SLC16A3: variants seen among roughly 807,000 people sequenced by gnomAD.
SLC16A3 encodes the protein monocarboxylate transporter 4.
SLC16A3 carries 22 observed loss-of-function variants against 25.0 expected under a neutral mutation model. That is an observed-to-expected ratio of 0.88 (90% confidence interval 0.63 to 1.26). SLC16A3 has a LOEUF of 1.26. SLC16A3 is among the 50% of genes most tolerant of loss of function. The pLI, the probability that SLC16A3 is intolerant of heterozygous loss-of-function variation, is 0.00. For missense variants in SLC16A3, 731 were observed against 666.6 expected, an observed-to-expected ratio of 1.10 and a Z score of -1.06; for synonymous variants, 390 against 309.2, an observed-to-expected ratio of 1.26 and a Z score of -2.74.
chr17:82,238,686 CG>C lies in SLC16A3; in HGVS notation c.1124-12del, dbSNP rs748023771. The stretch of plus-strand genomic sequence containing the variant: ...AGCCCGCATGAGCGGCTGGGACTGA[CG>C]GGGTCTTCCCGCAGGCAAACTCCTG... On this transcript the variant is annotated splice_polypyrimidine_tract_variant and intron_variant, in intron 4 of 4. Transcript: ENST00000582743. 1.6e-5 allele frequency: 26 copies of C among 1,600,112 alleles called. No homozygotes were observed. The highest frequency in any genetic ancestry group is 2.2e-5 in the Non-Finnish European group (26 of 1,173,322).
chr17:82,225,132 G>A (rs1876039806), upstream of SLC16A3, among the ~76,000 whole-genome samples: 1 of 152,180 alleles, frequency 6.6e-6, no homozygotes, highest in Non-Finnish European at 1.5e-5. Context: ...CGTAGTGGCA[G>A]GTGCCGGTAA....
upstream of SLC16A3, among the ~76,000 whole-genome samples, chr17:82,226,216 T>G: frequency 6.6e-6 from 1 of 151,338 alleles, no homozygotes; most frequent in East Asian, 2.0e-4. Flanking sequence ...GGGGGAGAAG[T>G]CAAGACTGGG....
intron 1 of SLC16A3, chr17:82,234,121 T>G (rs1342344600): frequency 1.3e-5 from 2 of 152,254 alleles, no homozygotes; most frequent in Non-Finnish European, 2.9e-5. Flanking sequence ...ATTACAGGCG[T>G]GAGCCACCGC....
In SLC16A3 at chr17:82,237,293, G is replaced by T; in HGVS notation, c.523G>T (p.Gly175Cys). 1 of 1,557,614 alleles carries T rather than the reference G, an allele frequency of 6.4e-7. No individual in the cohort carries two copies. Among genetic ancestry groups the T allele is most frequent in the Non-Finnish European group, 8.7e-7 (1 of 1,151,056 alleles). The change falls in exon 4 of 5, where the codon GGC becomes TGC. Residue 175 changes from glycine (G) to cysteine (C), a missense_variant. Gly to Cys is a radical substitution (Grantham distance 159). Transcript: ENST00000582743. ...PLGQLLQDRYGWRGGFLILGG... is the reference protein window; with the variant it reads ...PLGQLLQDRYCWRGGFLILGG... The stretch of plus-strand genomic sequence containing the variant: ...GGGGCAGCTGCTGCAGGACCGCTAC[G>T]GCTGGCGGGGCGGCTTCCTCATCCT...
chr17:82,227,884 TAGAA>T (rs1262786072), upstream of SLC16A3, among the ~76,000 whole-genome samples: 2 of 152,154 alleles, frequency 1.3e-5, no homozygotes, highest in East Asian at 1.9e-4. Context: ...TAACATTACA[TAGAA>T]AGAACAGGCG....
chr17:82,229,622 C>CT (rs1386421380), intron 1 of SLC16A3: 1 of 152,342 alleles, frequency 6.6e-6, no homozygotes, highest in Non-Finnish European at 1.5e-5. Context: ...TGGGCAATGA[C>CT]TAACAGCCCG....
Position 82,239,057 on chromosome 17 carries a change from G to T in SLC16A3, c.*81G>T. On this transcript the variant is annotated 3_prime_UTR_variant, in exon 5 of 5. Transcript: ENST00000582743. ...GCTATTTATTTTACAAACTGGACTG[G>T]CTCAGGCAGGGCCACGGCTGGGCTC... 1 of 1,381,412 alleles carries T rather than the reference G, an allele frequency of 7.2e-7. No individual in the cohort carries two copies. The highest frequency in any genetic ancestry group is 1.4e-5 in the African/African-American group (1 of 69,080). 85.6% of individuals were successfully genotyped at this position (1,381,412 alleles called of 1,614,324 possible). A position where few individuals can be genotyped will look rare whatever the true frequency, so the allele number is the denominator to read the frequency against.
Position 82,239,642 on chromosome 17 carries a change from C to T in SLC16A3, c.*666C>T, listed in dbSNP as rs1446679446. ...GGCAGGCGCTGCATGGAGGGGGCTG[C>T]GGGGCAGGTGCCTGGAGGCCGCTGT... On this transcript the variant is annotated 3_prime_UTR_variant, in exon 5 of 5. Coordinates refer to ENST00000582743, the MANE Select transcript of SLC16A3 (RefSeq NM_004207.4). 8 of 279,056 alleles carry T rather than the reference C, an allele frequency of 2.9e-5. No individual in the cohort carries two copies. The highest frequency in any genetic ancestry group is 3.3e-4 in the South Asian group (2 of 6,050). The allele number at this position is 279,056 out of a possible 1,614,324, so 17.3% of individuals were successfully genotyped here.
upstream of SLC16A3, chr17:82,228,281 C>A (rs2050440203): frequency 6.6e-6 from 1 of 152,324 alleles, no homozygotes; most frequent in Non-Finnish European, 1.5e-5. Flanking sequence ...GGGTGGGCAG[C>A]CCTCGCCTCC....
chr17:82,222,077 G>A (rs2050392146), intron 1 of SLC16A3, among the ~76,000 whole-genome samples: 1 of 150,756 alleles, frequency 6.6e-6, no homozygotes, highest in African/African-American at 2.4e-5. Flanking sequence ...CCTCGCCCTG[G>A]GACCCCCAAC....
chr17:82,232,260 C>A (rs987606416), intron 1 of SLC16A3: 2 of 152,338 alleles, frequency 1.3e-5, no homozygotes, highest in Non-Finnish European at 2.9e-5. Context: ...CCACGGGCCC[C>A]GGGCTCAGGC....
chr17:82,233,088 G>A (rs1022919243), intron 1 of SLC16A3, among the ~76,000 whole-genome samples: 7 of 152,180 alleles, frequency 4.6e-5, no homozygotes, highest in Non-Finnish European at 1.0e-4. Flanking sequence ...GGTTATCCTG[G>A]AAGATGGGGA....
In SLC16A3 at chr17:82,221,970, T is replaced by C. The variant is rs112735241; in HGVS notation, c.-27+3786T>C. On this transcript the variant is annotated intron_variant, in intron 1 of 4. Transcript: ENST00000580098. ...TTGAACACCCTGCTGAGAATGGAGATGGCCAAAGCCTCCGTGGAAAGCAGT... is the reference window on the plus strand; with the variant it reads ...TTGAACACCCTGCTGAGAATGGAGACGGCCAAAGCCTCCGTGGAAAGCAGT... 4.7e-3 allele frequency among the ~76,000 whole-genome samples: 708 copies of C among 151,110 alleles called. 16 individuals are homozygous for C. The highest frequency in any genetic ancestry group is 0.016 in the African/African-American group (663 of 40,522).
chr17:82,224,768 C>T (rs2050411765), upstream of SLC16A3, among the ~76,000 whole-genome samples: 1 of 151,576 alleles, frequency 6.6e-6, no homozygotes, highest in East Asian at 2.0e-4. Flanking sequence ...AGACGCACCC[C>T]AACACCTGTG....
At chr17:82,236,681 G>T in intron 2 of SLC16A3, 48 bp from the exon 3 acceptor site, 3 of 1,582,352 alleles carry the variant, frequency 1.9e-6, no homozygotes, top group South Asian at 1.1e-5. Context: ...GCTGGCGGGG[G>T]TAGAGCTGGC....
intron 1 of SLC16A3, among the ~76,000 whole-genome samples, chr17:82,221,163 A>G (rs984898933): frequency 6.6e-6 from 1 of 152,234 alleles, no homozygotes; most frequent in African/African-American, 2.4e-5. Context: ...CATAAGAAAC[A>G]AAGATACAAT....
intron 1 of SLC16A3, among the ~76,000 whole-genome samples, chr17:82,222,192 C>T (rs536154730): frequency 3.3e-5 from 3 of 91,428 alleles, no homozygotes; most frequent in African/African-American, 1.7e-4. Flanking sequence ...TCCGCTCCCA[C>T]GTTCGTGGAG....
chr17:82,225,177 G>A (rs8066236), upstream of SLC16A3, among the ~76,000 whole-genome samples: 7,211 of 152,186 alleles, frequency 0.047, 570 homozygotes, highest in African/African-American at 0.16. Flanking sequence ...CAGGAAAATC[G>A]CTTGAACTTG....
chr17:82,235,093 C>T (rs1373818645), intron 1 of SLC16A3: 2 of 152,296 alleles, frequency 1.3e-5, no homozygotes, highest in East Asian at 3.8e-4. Context: ...GAGCTGAGCT[C>T]CTGGAGTTTA....
Sources: gnomAD v4.1 joint callset for allele counts (sites outside exome capture counted in the v4.1 genomes callset) on GRCh38, gnomAD v4.1.1 for gene constraint, MANE v1.5 for transcripts, NCBI Gene and HGNC (gene_info 2026-07-23, HGNC 2026-07-21) for gene names.